The following HSPA4 variants were observed in gnomAD, a reference collection of about 807,000 sequenced individuals.
HSPA4 encodes the protein heat shock 70 kDa protein 4.
HSPA4 carries 25 observed loss-of-function variants against 106.2 expected under a neutral mutation model. The ratio of observed to expected loss-of-function variants is 0.24; its 90% CI spans 0.17 to 0.33. The LOEUF is 0.33. Ranked by LOEUF, HSPA4 falls within the 10% of genes least tolerant of loss-of-function variation. HSPA4 has a pLI of 1.00. For synonymous variants in HSPA4, 332 were observed against 333.6 expected (o/e 1.00, Z 0.05); for missense variants, 841 against 996.0 (o/e 0.84, Z 2.10).
chr5:133,081,237 G>C (rs1233256339), intron 7 of HSPA4, among the ~76,000 whole-genome samples: 2 of 152,156 alleles, frequency 1.3e-5, no homozygotes, highest in African/African-American at 4.8e-5. Context: ...TAGTAGAGAT[G>C]GGGTTTCGCC....
rs113540209 is a variant in HSPA4 at position 133,054,623 on chromosome 5, C to G, written c.107+2266C>G. On this transcript the variant is annotated intron_variant, in intron 1 of 18. Transcript: ENST00000304858. ...AATCAATTTTAGAACATTTTTATCACTCCCCCAAAGCCCTGTGCCCTTTAG... is the reference window on the plus strand; with the variant it reads ...AATCAATTTTAGAACATTTTTATCAGTCCCCCAAAGCCCTGTGCCCTTTAG... Among the ~76,000 whole-genome samples the G allele has an allele frequency of 2.8e-3, 433 of 152,314 alleles. 4 individuals are homozygous for G. The highest frequency in any genetic ancestry group is 9.9e-3 in the African/African-American group (412 of 41,562).
intron 1 of HSPA4, 136 bp downstream of exon 1, chr5:133,052,493 A>AC (rs1415866366): frequency 5.0e-6 from 3 of 605,194 alleles, no homozygotes; most frequent in Admixed American, 3.1e-5. Context: ...TAGGTCAGGG[A>AC]CCCCCAGTAG....
chr5:133,069,774 A>T (rs748579780), intron 3 of HSPA4, among the ~76,000 whole-genome samples: 9 of 152,224 alleles, frequency 5.9e-5, no homozygotes, highest in Non-Finnish European at 1.2e-4. Flanking sequence ...AGTGTGGGTC[A>T]TGGTGAGCTA....
At chr5:133,060,762 T>C (rs1404113032) in intron 1 of HSPA4, among the ~76,000 whole-genome samples, 3 of 151,216 alleles carry the variant, frequency 2.0e-5, no homozygotes, top group African/African-American at 7.3e-5. Flanking sequence ...CCCACATCAA[T>C]AGATAATTTT....
At chr5:133,081,294 C>T (rs757125829) in intron 7 of HSPA4, among the ~76,000 whole-genome samples, 35 of 152,184 alleles carry the variant, frequency 2.3e-4, no homozygotes, top group Admixed American at 2.0e-3. Context: ...GTCATCCACC[C>T]GCCTCTGCCT....
At chr5:133,058,713 C>T (rs1184632185) in intron 1 of HSPA4, among the ~76,000 whole-genome samples, 1 of 151,660 alleles carries the variant, frequency 6.6e-6, no homozygotes, top group Non-Finnish European at 1.5e-5. Flanking sequence ...CAAAATAGGG[C>T]CGGGTGTGGT....
intron 17 of HSPA4, among the ~76,000 whole-genome samples, chr5:133,103,152 C>T (rs1220597380): frequency 6.6e-6 from 1 of 151,666 alleles, no homozygotes; most frequent in East Asian, 1.9e-4. Flanking sequence ...TCCTCAACCT[C>T]CTGGGCTCAA....
chr5:133,070,934 C>T (rs1289284426), intron 4 of HSPA4, among the ~76,000 whole-genome samples: 1 of 151,968 alleles, frequency 6.6e-6, no homozygotes, highest in African/African-American at 2.4e-5. Context: ...AACTAGTCTT[C>T]ATTTTCTTAC....
At chr5:133,085,982 G>T (rs1201583581) in intron 7 of HSPA4, among the ~76,000 whole-genome samples, 2 of 152,184 alleles carry the variant, frequency 1.3e-5, no homozygotes, top group Non-Finnish European at 1.5e-5. Context: ...GTGAGGAGGG[G>T]ATGTATGGGG....
intron 1 of HSPA4, among the ~76,000 whole-genome samples, chr5:133,061,975 G>T (rs60428987): frequency 0.063 from 9,642 of 152,146 alleles, 886 homozygotes; most frequent in East Asian, 0.3. Context: ...GGTTGAGAAG[G>T]CTTTACAGAC....
intron 15 of HSPA4, among the ~76,000 whole-genome samples, chr5:133,099,243 C>T (rs1329830876): frequency 2.0e-5 from 3 of 152,190 alleles, no homozygotes. Context: ...AGTTCCCCTG[C>T]TTCAGCCTTT....
chr5:133,104,299 G>T lies in HSPA4; in HGVS notation c.2386G>T (p.Glu796Ter). 6.2e-7 allele frequency: 1 copy of T among 1,613,972 alleles called. No individual in the cohort carries two copies. Among genetic ancestry groups the T allele is most frequent in the Non-Finnish European group, 8.5e-7 (1 of 1,179,974 alleles). ...PKPKVEPPKE[E>*]QKNAEQNGPV... Reference sequence around the variant, plus strand: ...ACCCAAAGTGGAACCTCCAAAAGAGGAACAAAAAAATGCAGAGCAGAATGG... The same window carrying T: ...ACCCAAAGTGGAACCTCCAAAAGAGTAACAAAAAAATGCAGAGCAGAATGG... Residue 796 changes from glutamate to a stop codon, truncating the protein, a stop_gained, in exon 19 of 19, where the codon GAA (glutamate) becomes TAA (stop). Coordinates refer to ENST00000304858, the MANE Select transcript of HSPA4 (RefSeq NM_002154.4). LOFTEE classifies it high-confidence loss of function.
At chr5:133,092,137 C>G (rs1006392054) in intron 12 of HSPA4, among the ~76,000 whole-genome samples, 1 of 152,160 alleles carries the variant, frequency 6.6e-6, no homozygotes, top group Non-Finnish European at 1.5e-5. Context: ...GTTTTAAAAG[C>G]CTCTCAGGTC....
intron 1 of HSPA4, among the ~76,000 whole-genome samples, chr5:133,064,507 A>G (rs1488898098): frequency 6.6e-6 from 1 of 152,202 alleles, no homozygotes; most frequent in Non-Finnish European, 1.5e-5. Flanking sequence ...CTCTTGGAAA[A>G]AAAAAAAAAT....
Position 133,104,279 on chromosome 5 carries a change from A to G in HSPA4, c.2366A>G (p.Lys789Arg). 1 of 1,614,162 alleles carries G rather than the reference A, an allele frequency of 6.2e-7. No homozygotes were observed. Among genetic ancestry groups the G allele is most frequent in the Non-Finnish European group, 8.5e-7 (1 of 1,180,014 alleles). ...CSPIISKPKP[K>R]VEPPKEEQKN... ...CCTATAATTTCAAAGCCCAAACCCA[A>G]AGTGGAACCTCCAAAAGAGGAACAA... Residue 789 changes from lysine (K) to arginine (R), a missense_variant, in exon 19 of 19, where the codon AAA becomes AGA. Around this residue, in one of 5 missense-constraint regions of HSPA4, gnomAD observed 328 missense variants for 372.2 expected, o/e 0.88. Coordinates refer to ENST00000304858, the MANE Select transcript of HSPA4 (RefSeq NM_002154.4).
rs188733013 is a variant in HSPA4, at chr5:133,073,902, A to C, written c.530-91A>C. The C allele has an allele frequency of 3.8e-4, 295 of 772,682 alleles. 3 individuals are homozygous for C. The East Asian group carries it at 8.6e-3, about 22-fold the overall frequency. The allele number at this position is 772,682 out of a possible 1,614,324, so 47.9% of individuals were successfully genotyped here. A position where few individuals can be genotyped will look rare whatever the true frequency, so the allele number is the denominator to read the frequency against. Reference sequence around the variant, plus strand: ...TCTAAAACATAACACATGTAGTTGCATTCGTTATATATAAAACCTCTTTTT... The same window carrying C: ...TCTAAAACATAACACATGTAGTTGCCTTCGTTATATATAAAACCTCTTTTT... On this transcript the variant is annotated intron_variant, in intron 5 of 18. Transcript: ENST00000304858.
rs1236887506 is a variant in HSPA4 at position 133,106,020 on chromosome 5, TA to T, written c.*1588del. ...CCTGCTGTGAAGCCAGTAGCTATTT[TA>T]AAAGTGCTGGCTGCAGGATTAAGCC... On this transcript the variant is annotated 3_prime_UTR_variant, in exon 19 of 19. Coordinates refer to ENST00000304858, the MANE Select transcript of HSPA4 (RefSeq NM_002154.4). The T allele has an allele frequency of 1.3e-5, 2 of 150,964 alleles. No individual in the cohort carries two copies. The highest frequency in any genetic ancestry group is 4.9e-5 in the African/African-American group (2 of 41,092). The allele number at this position is 150,964 out of a possible 1,614,324, so 9.4% of individuals were successfully genotyped here. A position where few individuals can be genotyped will look rare whatever the true frequency, so the allele number is the denominator to read the frequency against.
chr5:133,070,969 T>C (rs1298682010), intron 4 of HSPA4, among the ~76,000 whole-genome samples: 2 of 152,162 alleles, frequency 1.3e-5, no homozygotes, highest in Admixed American at 6.5e-5. Flanking sequence ...TAGCTTTTGC[T>C]CAGGCCTCCT....
intron 12 of HSPA4, 22 bp downstream of exon 12, chr5:133,091,396 A>G (rs758277537): frequency 6.3e-7 from 1 of 1,577,082 alleles, no homozygotes; most frequent in Non-Finnish European, 8.7e-7. Context: ...ATTGTATACC[A>G]CTTGTGATGG....
Sources: gnomAD v4.1 joint callset for allele counts (sites outside exome capture counted in the v4.1 genomes callset) on GRCh38, gnomAD v4.1.1 for gene constraint, gnomAD v4.1.1 regional missense constraint, MANE v1.5 for transcripts, NCBI Gene and HGNC (gene_info 2026-07-23, HGNC 2026-07-21) for gene names.